The following HDAC11 variants were observed in gnomAD, a reference collection of about 807,000 sequenced individuals.
HDAC11 encodes the protein histone deacetylase 11.
HDAC11 carries 23 observed loss-of-function variants against 41.1 expected under a neutral mutation model. That is an observed-to-expected ratio of 0.56 (90% confidence interval 0.40 to 0.79). The LOEUF (loss-of-function observed/expected upper bound fraction) is 0.79. Ranked by LOEUF, HDAC11 falls within the 30% of genes least tolerant of loss-of-function variation. The pLI is 0.00. For synonymous variants in HDAC11, 187 were observed against 186.6 expected (o/e 1.00, Z -0.02); for missense variants, 402 against 477.3 (o/e 0.84, Z 1.47).
At chr3:13,490,377 C>T (rs1701794720) in intron 3 of HDAC11, among the ~76,000 whole-genome samples, 1 of 151,728 alleles carries the variant, frequency 6.6e-6, no homozygotes, top group South Asian at 2.1e-4. Context: ...CCATTTTTTG[C>T]AAAAAAGGCC....
chr3:13,481,298 G>C lies in HDAC11; in HGVS notation c.55G>C (p.Val19Leu). 2 of 1,613,182 alleles carry C rather than the reference G, an allele frequency of 1.2e-6. No homozygotes were observed. Among genetic ancestry groups the C allele is most frequent in the Non-Finnish European group, 1.7e-6 (2 of 1,180,004 alleles). The change falls in exon 2 of 10, where the codon GTG becomes CTG. Residue 19 changes from valine to leucine, a missense_variant. Val to Leu is a conservative substitution (Grantham distance 32). Transcript: ENST00000295757. ...TGTGCCAGAGACACGCTGGCCAATC[G>C]TGTACTCGCCGCGCTACAACATCAC... is the stretch of plus-strand genomic sequence containing the variant. ...QHVPETRWPIVYSPRYNITFM... is the reference protein window; with the variant it reads ...QHVPETRWPILYSPRYNITFM...
At chr3:13,494,193 G>T (rs1701986044) in intron 3 of HDAC11, among the ~76,000 whole-genome samples, 1 of 152,070 alleles carries the variant, frequency 6.6e-6, no homozygotes, top group Non-Finnish European at 1.5e-5. Context: ...TCCATGCTGG[G>T]CTCTCGGCTG....
chr3:13,496,787 C>G lies in HDAC11; in HGVS notation c.304C>G (p.Pro102Ala). 1 of 1,609,608 alleles carries G rather than the reference C, an allele frequency of 6.2e-7. No individual in the cohort carries two copies. Among genetic ancestry groups the G allele is most frequent in the Non-Finnish European group, 8.5e-7 (1 of 1,178,116 alleles). Residue 102 changes from proline to alanine, a missense_variant, in exon 4 of 10, where the codon CCC becomes GCC. Physicochemically the swap from Pro to Ala is conservative, Grantham distance 27 (BLOSUM62 -1). Transcript: ENST00000295757. ...AGAAATCCCCCCCGTTATCTTCCTC[C>G]CCAACTTCCTTGTGCAGAGGAAGGT... ...ITEIPPVIFLPNFLVQRKVLR... is the reference protein window; with the variant it reads ...ITEIPPVIFLANFLVQRKVLR...
intron 5 of HDAC11, among the ~76,000 whole-genome samples, chr3:13,498,933 C>T (rs1187183231): frequency 2.6e-5 from 4 of 152,064 alleles, no homozygotes; most frequent in African/African-American, 9.7e-5. Context: ...AGGACTCCAC[C>T]TGTGTCCTGG....
chr3:13,486,562 T>C (rs1285803184), intron 3 of HDAC11, among the ~76,000 whole-genome samples: 3 of 143,260 alleles, frequency 2.1e-5, no homozygotes, highest in Non-Finnish European at 4.5e-5. Context: ...GTGATACTCA[T>C]GTAGAGGTGT....
At chr3:13,486,503 G>A (rs1036704806) in intron 3 of HDAC11, among the ~76,000 whole-genome samples, 7 of 151,480 alleles carry the variant, frequency 4.6e-5, no homozygotes, top group Non-Finnish European at 1.0e-4. Flanking sequence ...GGTCAGGGAG[G>A]GCCTCACAGA....
chr3:13,501,711 G>A (rs369370000), intron 6 of HDAC11, 160 bp from the exon 7 acceptor site: 31 of 735,286 alleles, frequency 4.2e-5, no homozygotes, highest in East Asian at 1.3e-4. Context: ...AGCTGGAGCT[G>A]CACAGCTCTC....
intron 4 of HDAC11, among the ~76,000 whole-genome samples, chr3:13,497,742 T>A (rs1442040305): frequency 6.6e-6 from 1 of 152,210 alleles, no homozygotes; most frequent in Non-Finnish European, 1.5e-5. Context: ...AGTTCTGTTA[T>A]GTTTGTAAAT....
At chr3:13,488,541 T>G (rs1056798368) in intron 3 of HDAC11, among the ~76,000 whole-genome samples, 4 of 152,254 alleles carry the variant, frequency 2.6e-5, no homozygotes, top group African/African-American at 9.6e-5. Flanking sequence ...TGTGTCTGGC[T>G]TATCTCACTA....
intron 2 of HDAC11, among the ~76,000 whole-genome samples, chr3:13,483,044 C>G (rs1184028359): frequency 1.3e-5 from 2 of 150,786 alleles, no homozygotes; most frequent in Non-Finnish European, 3.0e-5. Flanking sequence ...AACCACCACA[C>G]CTGGCCAAGA....
At chr3:13,485,511 G>A (rs1402012203) in intron 3 of HDAC11, among the ~76,000 whole-genome samples, 1 of 152,214 alleles carries the variant, frequency 6.6e-6, no homozygotes, top group African/African-American at 2.4e-5. Context: ...GGGGGTGGGG[G>A]GCCTAGGTTC....
intron 2 of HDAC11, 57 bp downstream of exon 2, chr3:13,481,451 C>T (rs1410633879): frequency 1.1e-5 from 17 of 1,583,758 alleles, no homozygotes; most frequent in Non-Finnish European, 1.5e-5. Context: ...CTGTCCTCTC[C>T]GTCCTCATCC....
chr3:13,495,567 C>A lies in HDAC11; in HGVS notation c.253-1169C>A, dbSNP rs57486493. ...TCATGCTTCCTCTCTAGGGCTGCTA[C>A]TTCTCTATTCCTGTTCCCCTAATTG... On this transcript the variant is annotated intron_variant, in intron 3 of 9. Coordinates refer to ENST00000295757, the MANE Select transcript of HDAC11 (RefSeq NM_024827.4). Among the ~76,000 whole-genome samples, 109 of 152,314 alleles carry A rather than the reference C, an allele frequency of 7.2e-4. 1 individual carries two copies. The East Asian group carries it at 0.015, about 21-fold the overall frequency.
At position 13,504,622 on chromosome 3, in the gene HDAC11, A is replaced by G. The variant is rs754652844; in HGVS notation, c.983A>G (p.Glu328Gly). Reference sequence around the variant, plus strand: ...TTTGGCCTGGGGCTCATTGGGCCTGAGTCACCCAGCGTCTCCGCACAGAAC... The same window carrying G: ...TTTGGCCTGGGGCTCATTGGGCCTGGGTCACCCAGCGTCTCCGCACAGAAC... Reference protein sequence around the residue: ...NLFGLGLIGPESPSVSAQNSD... With the variant: ...NLFGLGLIGPGSPSVSAQNSD... Residue 328 changes from glutamate to glycine, a missense_variant, in exon 10 of 10, where the codon GAG (glutamate) becomes GGG (glycine). By Grantham distance (98) the Glu-to-Gly change is moderately conservative (BLOSUM62 -2). Coordinates refer to ENST00000295757, the MANE Select transcript of HDAC11 (RefSeq NM_024827.4). The G allele has an allele frequency of 2.5e-6, 4 of 1,613,810 alleles. No individual in the cohort carries two copies. The Admixed American group carries it at 6.7e-5, about 27-fold the overall frequency.
rs1701414640 is a variant in HDAC11, at chr3:13,483,464, A to T, written c.152A>T (p.Glu51Val). Residue 51 changes from glutamate (E) to valine (V), a missense_variant and splice_region_variant, in exon 3 of 10, where the codon GAA becomes GTA. Transcript: ENST00000295757. ...CAGGATGCTCCCTCTGTGGTTTCAG[A>T]AGAGAAGCTTCTGTCTGACAGCATG... ...KWGKVINFLKEEKLLSDSMLV... is the reference protein window; with the variant it reads ...KWGKVINFLKVEKLLSDSMLV... 6.2e-7 allele frequency: 1 copy of T among 1,613,766 alleles called. No homozygotes were observed. Among genetic ancestry groups the T allele is most frequent in the Admixed American group, 1.7e-5 (1 of 59,992 alleles).
intron 3 of HDAC11, among the ~76,000 whole-genome samples, chr3:13,494,442 G>A (rs903102578): frequency 1.3e-5 from 2 of 152,090 alleles, no homozygotes; most frequent in African/African-American, 2.4e-5. Flanking sequence ...ATACACACAC[G>A]CACACACGCA....
intron 2 of HDAC11, 101 bp from the exon 3 acceptor site, chr3:13,483,363 A>T: frequency 1.1e-6 from 1 of 934,572 alleles, no homozygotes; most frequent in Non-Finnish European, 1.7e-6. Flanking sequence ...CCCCTGGGGC[A>T]GGGGCTGCCA....
intron 2 of HDAC11, among the ~76,000 whole-genome samples, chr3:13,482,099 A>G (rs1428140763): frequency 6.6e-6 from 1 of 152,180 alleles, no homozygotes; most frequent in Admixed American, 6.5e-5. Context: ...CTGAAGTAAC[A>G]CAGTTACAAG....
chr3:13,490,744 CTTTTTTTTT>C (rs59531656), intron 3 of HDAC11, among the ~76,000 whole-genome samples: 3 of 41,406 alleles, frequency 7.2e-5, no homozygotes, highest in African/African-American at 3.1e-4. Context: ...GCATTTTTTT[CTTTTTTTTT>C]TTTTTTTTTT....
Sources: gnomAD v4.1 joint callset for allele counts (sites outside exome capture counted in the v4.1 genomes callset) on GRCh38, gnomAD v4.1.1 for gene constraint, MANE v1.5 for transcripts, NCBI Gene and HGNC (gene_info 2026-07-23, HGNC 2026-07-21) for gene names.